The following DYNC2LI1 variants were observed in gnomAD, a reference collection of about 807,000 sequenced individuals.
DYNC2LI1 encodes dynein cytoplasmic 2 light intermediate chain 1.
In DYNC2LI1, 45 loss-of-function variants were observed where a neutral mutation model predicts 51.9. The ratio of observed to expected loss-of-function variants is 0.87; its 90% CI spans 0.68 to 1.11. DYNC2LI1 has a LOEUF of 1.11. DYNC2LI1 is among the 50% of genes most tolerant of loss of function. The pLI is 0.00. For synonymous variants in DYNC2LI1, 130 were observed against 137.8 expected (o/e 0.94, Z 0.40); for missense variants, 490 against 417.4 (o/e 1.17, Z -1.51).
At chr2:43,783,175 C>T (rs1274816747) in intron 2 of DYNC2LI1, among the ~76,000 whole-genome samples, 1 of 152,154 alleles carries the variant, frequency 6.6e-6, no homozygotes, top group Non-Finnish European at 1.5e-5. Context: ...TTAAAAGACA[C>T]TAAGCATCGG....
intron 4 of DYNC2LI1, among the ~76,000 whole-genome samples, chr2:43,788,731 C>T (rs188028955): frequency 1.6e-3 from 245 of 152,224 alleles, no homozygotes; most frequent in South Asian, 3.3e-3. Context: ...AGAATCCTCC[C>T]GCATTAGCCT....
intron 5 of DYNC2LI1, 168 bp from the exon 6 acceptor site, chr2:43,794,289 T>G (rs1673927422): frequency 1.6e-6 from 1 of 619,254 alleles, no homozygotes; most frequent in East Asian, 2.8e-5. Context: ...TTGGAATAAA[T>G]AAGGCTATGA....
Position 43,801,685 on chromosome 2 carries a change from G to C in DYNC2LI1, c.778G>C (p.Gly260Arg). Residue 260 changes from glycine (G) to arginine (R), a missense_variant, in exon 10 of 13, where the codon GGA becomes CGA. Transcript: ENST00000260605. ...GAATAAACCGCTGTTTATCACAGCA[G>C]GATTGGATTCTTTCGGTCAAATAGG... ...DQNKPLFITA[G>R]LDSFGQIGSP... The C allele has an allele frequency of 6.2e-7, 1 of 1,609,892 alleles. No individual in the cohort carries two copies. The highest frequency in any genetic ancestry group is 1.7e-4 in the Middle Eastern group (1 of 5,994).
chr2:43,804,605 T>C, intron 10 of DYNC2LI1, 37 bp from the exon 11 acceptor site: 2 of 1,282,804 alleles, frequency 1.6e-6, no homozygotes, highest in Middle Eastern at 3.8e-4. Flanking sequence ...AATATTTTAA[T>C]CATTGCAGTC....
the DYNC2LI1 span, among the ~76,000 whole-genome samples, chr2:43,817,908 TCAAAA>T: frequency 1.3e-5 from 2 of 151,948 alleles, no homozygotes; most frequent in African/African-American, 2.4e-5. Context: ...CGATTCCCTC[TCAAAA>T]CAAACAAACA....
intron 4 of DYNC2LI1, 118 bp downstream of exon 4, chr2:43,787,368 G>A (rs1051517612): frequency 4.0e-5 from 32 of 791,098 alleles, no homozygotes; most frequent in Non-Finnish European, 3.8e-5. Flanking sequence ...TGTACACTTC[G>A]TAGCTGTCTA....
chr2:43,787,323 T>C lies in DYNC2LI1; in HGVS notation c.231+73T>C. 3 of 1,258,368 alleles carry C rather than the reference T, an allele frequency of 2.4e-6. 1 individual carries two copies. The South Asian group carries it at 3.8e-5, about 16-fold the overall frequency. 78.0% of individuals were successfully genotyped at this position (1,258,368 alleles called of 1,614,324 possible). On this transcript the variant is annotated intron_variant, in intron 4 of 12. Coordinates refer to ENST00000260605, the MANE Select transcript of DYNC2LI1 (RefSeq NM_016008.4). The stretch of plus-strand genomic sequence containing the variant: ...AATGCTGCTGACTTTGTTTTACATT[T>C]TCCATCTCATCTGTAATCAATAAAC...
intron 2 of DYNC2LI1, among the ~76,000 whole-genome samples, chr2:43,782,917 G>C (rs1417818048): frequency 2.0e-5 from 3 of 152,182 alleles, no homozygotes; most frequent in Non-Finnish European, 2.9e-5. Flanking sequence ...AGGAGGCAGA[G>C]GTTGCAGTGA....
At chr2:43,826,671 T>C in the DYNC2LI1 span, 1 of 1,259,636 alleles carries the variant, frequency 7.9e-7, no homozygotes, top group Non-Finnish European at 1.1e-6. Flanking sequence ...GCTTTCAGCC[T>C]GAGCTCAGGA....
At chr2:43,818,852 C>G in the DYNC2LI1 span, among the ~76,000 whole-genome samples, 1 of 152,112 alleles carries the variant, frequency 6.6e-6, no homozygotes, top group Non-Finnish European at 1.5e-5. Flanking sequence ...TCCCTTGAGG[C>G]AGGTGGGGCT....
At chr2:43,777,098 C>G (rs959850434) in intron 2 of DYNC2LI1, among the ~76,000 whole-genome samples, 199 bp downstream of exon 2, 5 of 152,026 alleles carry the variant, frequency 3.3e-5, no homozygotes, top group African/African-American at 1.2e-4. Context: ...TATATTTAAA[C>G]TATTTTTTAT....
the DYNC2LI1 span, among the ~76,000 whole-genome samples, chr2:43,817,800 C>T: frequency 2.6e-5 from 4 of 151,026 alleles, no homozygotes; most frequent in Non-Finnish European, 5.9e-5. Context: ...ATCCCAGCTA[C>T]TCGGGAGGCT....
intron 8 of DYNC2LI1, among the ~76,000 whole-genome samples, chr2:43,798,453 A>G (rs1461985573): frequency 9.3e-6 from 1 of 107,666 alleles, no homozygotes; most frequent in African/African-American, 5.6e-5. Context: ...TCGAGGGTAC[A>G]GAGGTAAAGA....
At chr2:43,797,932 C>T (rs976845562) in intron 8 of DYNC2LI1, among the ~76,000 whole-genome samples, 2 of 152,030 alleles carry the variant, frequency 1.3e-5, no homozygotes, top group Admixed American at 1.3e-4. Flanking sequence ...TTCAGACCAG[C>T]CTGGGCAACA....
chr2:43,804,530 G>A, intron 10 of DYNC2LI1, 112 bp from the exon 11 acceptor site: 1 of 696,002 alleles, frequency 1.4e-6, no homozygotes, highest in Non-Finnish European at 2.4e-6. Flanking sequence ...ATTAAGGAGA[G>A]GGAAAATGAG....
At chr2:43,814,427 G>T (rs185564936), downstream of DYNC2LI1, 2 of 1,165,254 alleles carry the variant, frequency 1.7e-6, no homozygotes, top group Non-Finnish European at 2.6e-6. Context: ...CCAAGAAATT[G>T]CTTCCTCAGA....
In DYNC2LI1 at chr2:43,783,559, G is replaced by A; in HGVS notation, c.161+5G>A. On this transcript the variant is annotated splice_donor_5th_base_variant and intron_variant, in intron 3 of 12. Transcript: ENST00000260605. The stretch of plus-strand genomic sequence containing the variant: ...TATTCTAAGGTGTCTTGACAGGTAA[G>A]TGTTATGTTAACCTTTAAACTATAT... The A allele has an allele frequency of 6.6e-7, 1 of 1,520,602 alleles. No homozygotes were observed. Among genetic ancestry groups the A allele is most frequent in the Non-Finnish European group, 8.8e-7 (1 of 1,136,852 alleles). The allele number at this position is 1,520,602 out of a possible 1,614,324, so 94.2% of individuals were successfully genotyped here.
Position 43,794,482 on chromosome 2 carries a change from G to A in DYNC2LI1, c.346G>A (p.Asp116Asn). 3.7e-6 allele frequency: 6 copies of A among 1,612,990 alleles called. No homozygotes were observed. Among genetic ancestry groups the A allele is most frequent in the Non-Finnish European group, 5.1e-6 (6 of 1,179,560 alleles). ...LRTFSLVLVLDLSKPNDLWPT... is the reference protein window; with the variant it reads ...LRTFSLVLVLNLSKPNDLWPT... ...GACGTTTTCTCTTGTTCTCGTTCTG[G>A]ATCTTTCAAAACCTAATGATCTCTG... Residue 116 changes from aspartate to asparagine, a missense_variant, in exon 6 of 13, where the codon GAT becomes AAT. Asp to Asn is a conservative substitution (Grantham distance 23). Transcript: ENST00000260605.
chr2:43,799,532 A>G (rs1349975660), intron 8 of DYNC2LI1, among the ~76,000 whole-genome samples: 2 of 152,364 alleles, frequency 1.3e-5, no homozygotes, highest in Admixed American at 6.5e-5. Flanking sequence ...AAAGGAATCA[A>G]TAGAGTTTAC....
Sources: allele counts gnomAD v4.1 joint callset (sites outside exome capture counted in the v4.1 genomes callset), GRCh38; gene constraint gnomAD v4.1.1; transcripts MANE v1.5; gene names NCBI Gene and HGNC (gene_info 2026-07-23, HGNC 2026-07-21).